Variants in EEFSEC observed in about 807,000 individuals in gnomAD.
EEFSEC encodes the protein eukaryotic elongation factor, selenocysteine-tRNA specific.
EEFSEC carries 43 observed loss-of-function variants against 42.1 expected under a neutral mutation model. The ratio of observed to expected loss-of-function variants is 1.02; its 90% CI spans 0.80 to 1.32. The LOEUF is 1.32. Ranked by LOEUF, EEFSEC falls within the 40% of genes most tolerant of loss-of-function variation. EEFSEC has a pLI of 0.00. For synonymous variants in EEFSEC, 354 were observed against 339.1 expected, an observed-to-expected ratio of 1.04 and a Z score of -0.48; for missense variants, 745 against 803.6, an observed-to-expected ratio of 0.93 and a Z score of 0.88.
At chr3:128,337,657 C>G (rs1171041900) in intron 4 of EEFSEC, among the ~76,000 whole-genome samples, 1 of 152,210 alleles carries the variant, frequency 6.6e-6, no homozygotes, top group Non-Finnish European at 1.5e-5. Flanking sequence ...CTGGACCTGT[C>G]ACAACCAGGT....
At chr3:128,240,198 T>A (rs2066055878) in intron 1 of EEFSEC, among the ~76,000 whole-genome samples, 1 of 152,170 alleles carries the variant, frequency 6.6e-6, no homozygotes, top group South Asian at 2.1e-4. Context: ...TTGCCTGGGG[T>A]CTGCCTGGAC....
intron 1 of EEFSEC, among the ~76,000 whole-genome samples, chr3:128,235,960 T>TTGTC (rs1397421190): frequency 6.6e-6 from 1 of 151,858 alleles, no homozygotes; most frequent in East Asian, 1.9e-4. Context: ...GTTTGTTTGT[T>TTGTC]TGTTTGTTTG....
chr3:128,267,810 T>C (rs1356305245), intron 4 of EEFSEC, among the ~76,000 whole-genome samples: 1 of 152,222 alleles, frequency 6.6e-6, no homozygotes, highest in Non-Finnish European at 1.5e-5. Flanking sequence ...GATGGACTTC[T>C]ATAGCAAAGT....
chr3:128,241,899 G>C (rs2066075300), intron 1 of EEFSEC, among the ~76,000 whole-genome samples: 1 of 152,252 alleles, frequency 6.6e-6, no homozygotes, highest in Admixed American at 6.5e-5. Flanking sequence ...GAGGCACAGA[G>C]AGAGTTAATG....
intron 6 of EEFSEC, among the ~76,000 whole-genome samples, chr3:128,391,926 G>A (rs530695829): frequency 1.8e-4 from 27 of 152,328 alleles, no homozygotes; most frequent in African/African-American, 6.3e-4. Flanking sequence ...ATGCCCTGTG[G>A]GGGCCATTGG....
chr3:128,269,339 G>C (rs1023113902), intron 4 of EEFSEC, among the ~76,000 whole-genome samples: 1 of 152,254 alleles, frequency 6.6e-6, no homozygotes, highest in Non-Finnish European at 1.5e-5. Flanking sequence ...CCATGCTGCT[G>C]TGCTTTGCTG....
chr3:128,190,195 G>A (rs1313811096), intron 1 of EEFSEC, among the ~76,000 whole-genome samples: 3 of 152,180 alleles, frequency 2.0e-5, no homozygotes, highest in African/African-American at 7.2e-5. Flanking sequence ...AAAATTAACT[G>A]TAAAACAGCC....
chr3:128,388,251 C>T (rs753255391), intron 6 of EEFSEC, among the ~76,000 whole-genome samples: 7 of 152,226 alleles, frequency 4.6e-5, no homozygotes. Context: ...GCCCTGTTGG[C>T]AGCCTCTTGC....
At chr3:128,312,729 G>A (rs1161734395) in intron 4 of EEFSEC, among the ~76,000 whole-genome samples, 2 of 152,258 alleles carry the variant, frequency 1.3e-5, no homozygotes, top group African/African-American at 4.8e-5. Flanking sequence ...AGCTGGATTG[G>A]CAAAGGGACC....
intron 1 of EEFSEC, among the ~76,000 whole-genome samples, chr3:128,245,808 G>A (rs2999070): frequency 0.84 from 127,573 of 152,042 alleles, 53,994 homozygotes; most frequent in East Asian, 0.99. Context: ...CCTAGTGTGC[G>A]TAGTCAGAGT....
At chr3:128,246,559 T>G (rs1395185263) in intron 1 of EEFSEC, among the ~76,000 whole-genome samples, 2 of 152,208 alleles carry the variant, frequency 1.3e-5, no homozygotes, top group African/African-American at 2.4e-5. Flanking sequence ...TGGAGTTAGA[T>G]GAGCCTATAC....
intron 6 of EEFSEC, among the ~76,000 whole-genome samples, chr3:128,361,581 C>T (rs1040974836): frequency 1.3e-5 from 2 of 152,312 alleles, no homozygotes. Flanking sequence ...GCCACAGACA[C>T]TTGCCTCAGA....
At chr3:128,337,178 A>G (rs1197429879) in intron 4 of EEFSEC, 1 of 152,220 alleles carries the variant, frequency 6.6e-6, no homozygotes, top group Non-Finnish European at 1.5e-5. Context: ...GCGTGGGCTC[A>G]CTGACCACCC....
chr3:128,338,294 G>A (rs2067212726), intron 4 of EEFSEC, among the ~76,000 whole-genome samples: 3 of 152,196 alleles, frequency 2.0e-5, no homozygotes, highest in South Asian at 2.1e-4. Context: ...GCACCCTCCC[G>A]CTGGGGCAGG....
At chr3:128,227,178 T>C (rs1019874344) in intron 1 of EEFSEC, among the ~76,000 whole-genome samples, 4 of 152,222 alleles carry the variant, frequency 2.6e-5, no homozygotes, top group Admixed American at 1.3e-4. Flanking sequence ...AAATGTCTAA[T>C]TGTATCTTGA....
intron 4 of EEFSEC, among the ~76,000 whole-genome samples, chr3:128,291,095 A>G (rs971060686): frequency 6.6e-6 from 1 of 151,536 alleles, no homozygotes; most frequent in African/African-American, 2.4e-5. Context: ...TTATAAACCT[A>G]TTTCTAGGTA....
rs150223656 is a variant in EEFSEC at position 128,388,203 on chromosome 3, T to A, written c.1601-19866T>A. Among the ~76,000 whole-genome samples, 967 of 152,332 alleles carry A rather than the reference T, an allele frequency of 6.3e-3. 9 individuals are homozygous for A. Among genetic ancestry groups the A allele is most frequent in the African/African-American group, 0.022 (906 of 41,574 alleles). On this transcript the variant is annotated intron_variant, in intron 6 of 6. Transcript: ENST00000254730. ...GTCTTCCTTTTTTTAATATCCAATT[T>A]GGTCGCCTTCCTTGGGGACAGCCAC...
At chr3:128,417,260 C>G in the EEFSEC span, among the ~76,000 whole-genome samples, 2 of 152,122 alleles carry the variant, frequency 1.3e-5, no homozygotes, top group Non-Finnish European at 2.9e-5. The surrounding 1 kb of genome is among the most constrained non-coding windows in gnomAD (Gnocchi z 4.3). Context: ...TGCCAGAGTC[C>G]TCACCATGAC....
intron 2 of EEFSEC, among the ~76,000 whole-genome samples, chr3:128,250,952 C>A (rs547438360): frequency 2.0e-5 from 1 of 49,030 alleles, no homozygotes; most frequent in African/African-American, 6.7e-5. Context: ...TAGTTTTTAG[C>A]GTACAAGGCT....
Sources: gnomAD v4.1 joint callset for allele counts (sites outside exome capture counted in the v4.1 genomes callset) on GRCh38, gnomAD v4.1.1 for gene constraint, Gnocchi (gnomAD v3.1) non-coding constraint, MANE v1.5 for transcripts, NCBI Gene and HGNC (gene_info 2026-07-23, HGNC 2026-07-21) for gene names.